The following ZEB1 variants were observed in gnomAD, a reference collection of about 807,000 sequenced individuals.
ZEB1 encodes the protein zinc finger E-box-binding homeobox 1.
Under a neutral mutation model 84.9 loss-of-function variants are expected in ZEB1, and 21 were observed. The ratio of observed to expected loss-of-function variants is 0.25; its 90% CI spans 0.18 to 0.36. The LOEUF (loss-of-function observed/expected upper bound fraction) is 0.36. Among genes scored for constraint, ZEB1 ranks in the 10% least tolerant of loss-of-function variants. The probability of loss-of-function intolerance (pLI) is 1.00; values close to 1 mark genes in which losing one functional copy is unlikely to be tolerated. For synonymous variants in ZEB1, 420 were observed against 471.1 expected (o/e 0.89, Z 1.41); for missense variants, 1,104 against 1,330.2 (o/e 0.83, Z 2.65).
chr10:31,436,043 T>C (rs757757792), intron 1 of ZEB1, among the ~76,000 whole-genome samples: 8 of 152,104 alleles, frequency 5.3e-5, no homozygotes, highest in Non-Finnish European at 1.0e-4. Flanking sequence ...GTTCAGGATG[T>C]CTGGGAAATT....
intron 1 of ZEB1, among the ~76,000 whole-genome samples, chr10:31,411,008 G>C (rs931936259): frequency 1.3e-5 from 2 of 152,048 alleles, no homozygotes; most frequent in Non-Finnish European, 2.9e-5. Context: ...GTTGTGCTCT[G>C]ATCTTAGTTA....
intron 2 of ZEB1, among the ~76,000 whole-genome samples, chr10:31,467,372 G>A (rs1473777308): frequency 6.6e-6 from 1 of 152,084 alleles, no homozygotes; most frequent in Non-Finnish European, 1.5e-5. Flanking sequence ...TACATCTGCT[G>A]TCTGCCACAC....
At chr10:31,449,838 A>T (rs910067303) in intron 1 of ZEB1, among the ~76,000 whole-genome samples, 1 of 152,220 alleles carries the variant, frequency 6.6e-6, no homozygotes, top group African/African-American at 2.4e-5. Context: ...TCAAGAATAT[A>T]TGTGCAGTAT....
At chr10:31,363,457 G>A (rs2043762780) in intron 1 of ZEB1, 2 of 1,533,982 alleles carry the variant, frequency 1.3e-6, no homozygotes, top group East Asian at 4.9e-5. Flanking sequence ...CCAGGAAGAA[G>A]TGAGGTTTCC....
Position 31,407,494 on chromosome 10 carries a change from A to G in ZEB1, c.59-53543A>G, listed in dbSNP as rs1252852845. On this transcript the variant is annotated intron_variant, in intron 1 of 8. Transcript: ENST00000424869. ...CCACATTTTCTTAATCCAGTCTATC[A>G]TTGTAGGACATTTGGGTTGGTTCCA... Among the ~76,000 whole-genome samples the G allele has an allele frequency of 2.0e-5, 3 of 151,884 alleles. No homozygotes were observed. The East Asian group carries it at 5.8e-4, about 29-fold the overall frequency.
At chr10:31,480,076 C>T (rs986934595) in intron 2 of ZEB1, among the ~76,000 whole-genome samples, 1 of 151,948 alleles carries the variant, frequency 6.6e-6, no homozygotes, top group African/African-American at 2.4e-5. Context: ...ATATATAAAA[C>T]TGATCTGATA....
chr10:31,449,203 GACTCGGAAAGGGA>G (rs1363186748), intron 1 of ZEB1, among the ~76,000 whole-genome samples: 4 of 152,226 alleles, frequency 2.6e-5, no homozygotes, highest in Non-Finnish European at 5.9e-5. Context: ...CCCTTTCTTT[GACTCGGAAAGGGA>G]ACTCCCTGAC....
intron 4 of ZEB1, among the ~76,000 whole-genome samples, chr10:31,508,603 C>T (rs974579832): frequency 9.9e-5 from 15 of 152,010 alleles, no homozygotes; most frequent in Non-Finnish European, 2.1e-4. Context: ...ATAGCATGCT[C>T]GGAAACTGGG....
chr10:31,423,066 A>G (rs2056425091), intron 1 of ZEB1, among the ~76,000 whole-genome samples: 1 of 151,998 alleles, frequency 6.6e-6, no homozygotes, highest in African/African-American at 2.4e-5. Flanking sequence ...ATGTATATAT[A>G]TAAATGTATA....
In ZEB1 at chr10:31,520,437, A is replaced by G. The variant is rs1034554729; in HGVS notation, c.1105A>G (p.Thr369Ala). ...GGTTGCTTCAGGAATCAACTGTTCA[A>G]CCCCTTTACAAAATGGGGTTTTCAC... ...IVVASGINCSTPLQNGVFTGG... is the reference protein window; with the variant it reads ...IVVASGINCSAPLQNGVFTGG... The change falls in exon 7 of 9, where the codon ACC becomes GCC. Residue 369 changes from threonine to alanine, a missense_variant. Physicochemically the swap from Thr to Ala is moderately conservative, Grantham distance 58. Coordinates refer to ENST00000424869, the MANE Select transcript of ZEB1 (RefSeq NM_001174096.2). The surrounding 1 kb of genome is among the most constrained non-coding windows in gnomAD (Gnocchi z 5.1). The G allele has an allele frequency of 5.6e-6, 9 of 1,613,996 alleles. No individual in the cohort carries two copies. The highest frequency in any genetic ancestry group is 7.6e-6 in the Non-Finnish European group (9 of 1,179,962).
intron 4 of ZEB1, among the ~76,000 whole-genome samples, chr10:31,509,105 G>A (rs1259070680): frequency 1.3e-5 from 2 of 152,180 alleles, no homozygotes; most frequent in Non-Finnish European, 2.9e-5. Context: ...TGGGAAGGGA[G>A]GTATGTCAGT....
chr10:31,351,616 T>C (rs1033068405), intron 1 of ZEB1, among the ~76,000 whole-genome samples: 7 of 152,174 alleles, frequency 4.6e-5, no homozygotes, highest in African/African-American at 1.7e-4. Context: ...GTCAGGGCAA[T>C]TGTCTTTCTA....
chr10:31,355,095 A>AG (rs1211152810), intron 1 of ZEB1: 1 of 152,156 alleles, frequency 6.6e-6, no homozygotes, highest in Non-Finnish European at 1.5e-5. Flanking sequence ...CTGTGAAAAA[A>AG]ATGTGCTTTA....
chr10:31,337,175 A>G (rs1456586713), intron 1 of ZEB1, among the ~76,000 whole-genome samples: 1 of 152,216 alleles, frequency 6.6e-6, no homozygotes, highest in Admixed American at 6.5e-5. Flanking sequence ...TGTTCGAACA[A>G]AACAAATCAC....
chr10:31,488,535 T>A (rs2066050995), intron 2 of ZEB1, among the ~76,000 whole-genome samples: 2 of 150,904 alleles, frequency 1.3e-5, no homozygotes, highest in Admixed American at 6.6e-5. Flanking sequence ...TTTTTTAATT[T>A]TATTGCTTTT....
intron 2 of ZEB1, among the ~76,000 whole-genome samples, chr10:31,492,195 A>G (rs1424174550): frequency 6.6e-6 from 1 of 152,060 alleles, no homozygotes; most frequent in Admixed American, 6.6e-5. Context: ...CCAACTTACA[A>G]CATTGACTTA....
At chr10:31,449,695 C>T (rs917920060) in intron 1 of ZEB1, among the ~76,000 whole-genome samples, 1 of 152,098 alleles carries the variant, frequency 6.6e-6, no homozygotes, top group Non-Finnish European at 1.5e-5. Flanking sequence ...ATTTCTGTAG[C>T]TTCAAGATAA....
chr10:31,351,461 C>A (rs188908051), intron 1 of ZEB1, among the ~76,000 whole-genome samples: 1 of 152,118 alleles, frequency 6.6e-6, no homozygotes, highest in East Asian at 1.9e-4. Flanking sequence ...TTTTAGAATT[C>A]TTTATTTTCT....
chr10:31,397,894 A>G lies in ZEB1; in HGVS notation c.59-63143A>G, dbSNP rs375786584. On this transcript the variant is annotated intron_variant, in intron 1 of 8. Coordinates refer to ENST00000424869, the MANE Select transcript of ZEB1 (RefSeq NM_001174096.2). ...CATGTGTTATTCTACAAGCAGATAC[A>G]ATGCTTGTGGATAGATATTATTTTT... 2.6e-5 allele frequency among the ~76,000 whole-genome samples: 4 copies of G among 152,264 alleles called. No homozygotes were observed. The South Asian group carries it at 6.2e-4, about 24-fold the overall frequency.
Sources: allele counts gnomAD v4.1 joint callset (sites outside exome capture counted in the v4.1 genomes callset), GRCh38; gene constraint gnomAD v4.1.1; non-coding constraint Gnocchi (gnomAD v3.1); transcripts MANE v1.5; gene names NCBI Gene and HGNC (gene_info 2026-07-23, HGNC 2026-07-21).